INTS3: variants seen among roughly 807,000 people sequenced by gnomAD.
INTS3 encodes the protein integrator complex subunit 3.
INTS3 carries 34 observed loss-of-function variants against 146.3 expected under a neutral mutation model. The observed-to-expected ratio is 0.23, with a 90% confidence interval of 0.18 to 0.31. The LOEUF is 0.31. Among genes scored for constraint, INTS3 ranks in the 10% least tolerant of loss-of-function variants. The pLI, the probability that INTS3 is intolerant of heterozygous loss-of-function variation, is 1.00. For missense variants in INTS3, 757 were observed against 1,304.2 expected (o/e 0.58, Z 6.46); for synonymous variants, 475 against 494.9 (o/e 0.96, Z 0.53).
intron 1 of INTS3, among the ~76,000 whole-genome samples, chr1:153,731,286 C>T (rs1213985991): frequency 6.6e-6 from 1 of 152,136 alleles, no homozygotes; most frequent in Admixed American, 6.5e-5. Context: ...GAGTAGGAAG[C>T]ACTGGTCAAG....
In INTS3 at chr1:153,770,448, T is replaced by C. The variant is rs1439953786; in HGVS notation, c.2503+137T>C. 6.9e-6 allele frequency: 5 copies of C among 722,440 alleles called. No homozygotes were observed. In the Admixed American group the frequency reaches 8.9e-5, roughly 13 times the overall value. The allele number at this position is 722,440 out of a possible 1,614,324, so 44.8% of individuals were successfully genotyped here. On this transcript the variant is annotated intron_variant, in intron 24 of 29. Transcript: ENST00000318967. ...CCCACCAAAGTGCACAAGGGCAGGC[T>C]CTCTGTCAGCCACTTTTGTTCTTTA...
intron 22 of INTS3, 21 bp from the exon 23 acceptor site, chr1:153,769,748 C>T (rs776125146): frequency 6.3e-7 from 1 of 1,587,524 alleles, no homozygotes; most frequent in Non-Finnish European, 8.7e-7. Flanking sequence ...TGGGTTCTGC[C>T]TCCTTCCTCC....
At position 153,772,673 on chromosome 1, in the gene INTS3, G is replaced by T; in HGVS notation, c.2856G>T (p.Gln952His). 1.2e-6 allele frequency: 2 copies of T among 1,614,220 alleles called. No individual in the cohort carries two copies. The highest frequency in any genetic ancestry group is 1.7e-6 in the Non-Finnish European group (2 of 1,180,038). Residue 952 changes from glutamine to histidine, a missense_variant, in exon 28 of 30, where the codon CAG becomes CAT. Gln to His is a conservative substitution (Grantham distance 24). Around this residue, in one of 8 missense-constraint regions of INTS3, gnomAD observed 125 missense variants for 165.6 expected, o/e 0.75. Coordinates refer to ENST00000318967, the MANE Select transcript of INTS3 (RefSeq NM_023015.5). This position sits in a 1 kb window ranked among gnomAD's most constrained non-coding sequence, Gnocchi z 4.6. ...FSQTPILQALQHVQASCDEAH... is the reference protein window; with the variant it reads ...FSQTPILQALHHVQASCDEAH... The stretch of plus-strand genomic sequence containing the variant: ...AGACGCCAATTCTCCAGGCGCTGCA[G>T]CATGTCCAAGCGAGCTGTGACGAAG...
intron 6 of INTS3, 63 bp downstream of exon 6, chr1:153,748,818 G>T (rs1671849332): frequency 1.5e-6 from 2 of 1,300,652 alleles, no homozygotes; most frequent in Admixed American, 1.7e-5. Context: ...TGTGGGTGTG[G>T]GAAATGGGGA....
At chr1:153,747,108 AGAGAGGATG>A (rs780205429) in intron 4 of INTS3, 38 bp downstream of exon 4, 1 of 1,465,402 alleles carries the variant, frequency 6.8e-7, no homozygotes, top group Admixed American at 1.7e-5. Flanking sequence ...CAGCTCAAAG[AGAGAGGATG>A]GATCTTCTCT....
At chr1:153,756,181 G>A (rs139952722) in intron 9 of INTS3, among the ~76,000 whole-genome samples, 3 of 152,038 alleles carry the variant, frequency 2.0e-5, no homozygotes, top group African/African-American at 7.2e-5. Flanking sequence ...TTCAAGACTA[G>A]CCGGGCAACA....
At chr1:153,763,212 T>G (rs1260046858) in intron 15 of INTS3, 21 bp from the exon 16 acceptor site, 1 of 1,614,160 alleles carries the variant, frequency 6.2e-7, no homozygotes, top group Non-Finnish European at 8.5e-7. Context: ...ACTGACTTCT[T>G]TCCCAAATCA....
intron 5 of INTS3, chr1:153,748,084 C>T (rs1321291837): frequency 6.4e-6 from 1 of 155,964 alleles, no homozygotes; most frequent in Non-Finnish European, 1.4e-5. Context: ...TTAATTGAGA[C>T]CTGGGGCAAG....
intron 8 of INTS3, among the ~76,000 whole-genome samples, chr1:153,752,685 TC>T (rs1205347204): frequency 9.9e-5 from 15 of 152,192 alleles, no homozygotes; most frequent in African/African-American, 3.4e-4. Context: ...CCTCCCCTCT[TC>T]CTGGCAGCTC....
At chr1:153,742,069 G>A (rs1162574872) in intron 3 of INTS3, among the ~76,000 whole-genome samples, 1 of 152,158 alleles carries the variant, frequency 6.6e-6, no homozygotes, top group Non-Finnish European at 1.5e-5. Flanking sequence ...AATCATTTCC[G>A]GGGATAAGAA....
chr1:153,749,091 ACACC>A (rs2101800516), intron 6 of INTS3, among the ~76,000 whole-genome samples: 1 of 152,242 alleles, frequency 6.6e-6, no homozygotes, highest in Non-Finnish European at 1.5e-5. Context: ...GGCCAGCCAA[ACACC>A]CACGCCTGGC....
At chr1:153,749,335 G>A (rs992272624) in intron 6 of INTS3, among the ~76,000 whole-genome samples, 2 of 152,180 alleles carry the variant, frequency 1.3e-5, no homozygotes, top group Non-Finnish European at 2.9e-5. Context: ...AATTTTATGA[G>A]GGCTATTCCA....
chr1:153,748,214 G>A (rs6427268), intron 5 of INTS3: 93,487 of 162,120 alleles, frequency 0.58, 28,447 homozygotes, highest in African/African-American at 0.78. Flanking sequence ...CTGCCCCACA[G>A]AGTTTCATAG....
At chr1:153,764,499 C>G (rs546523402) in intron 18 of INTS3, among the ~76,000 whole-genome samples, 191 bp from the exon 19 acceptor site, 1 of 152,320 alleles carries the variant, frequency 6.6e-6, no homozygotes, top group African/African-American at 2.4e-5. Context: ...GGCCTGGAGC[C>G]TGTCTCCAAA....
At chr1:153,731,846 A>G (rs1274905178) in intron 1 of INTS3, among the ~76,000 whole-genome samples, 2 of 149,606 alleles carry the variant, frequency 1.3e-5, no homozygotes, top group Non-Finnish European at 3.0e-5. Flanking sequence ...CGGCCTCCCA[A>G]AGTGCTGGGA....
Position 153,772,977 on chromosome 1 carries a change from C to G in INTS3, c.2947C>G (p.Pro983Ala), listed in dbSNP as rs888210671. 5 of 1,614,180 alleles carry G rather than the reference C, an allele frequency of 3.1e-6. No homozygotes were observed. The highest frequency in any genetic ancestry group is 4.2e-6 in the Non-Finnish European group (5 of 1,180,040). ...GGAATATGAGGACTCTTCCACCAAG[C>G]CACCCAAGAGCCGGCGAAAAGCAGC... ...AEEYEDSSTK[P>A]PKSRRKAALS... The change falls in exon 29 of 30, where the codon CCA (proline) becomes GCA (alanine). Residue 983 changes from proline to alanine, a missense_variant. Physicochemically the swap from Pro to Ala is conservative, Grantham distance 27. Transcript: ENST00000318967. The surrounding 1 kb of genome is among the most constrained non-coding windows in gnomAD (Gnocchi z 4.6).
At chr1:153,736,524 G>A (rs553599326) in intron 1 of INTS3, among the ~76,000 whole-genome samples, 1 of 150,546 alleles carries the variant, frequency 6.6e-6, no homozygotes, top group South Asian at 2.1e-4. Context: ...TTGGCTCACT[G>A]CAACCTCTGC....
chr1:153,732,850 C>A (rs955001921), intron 1 of INTS3, among the ~76,000 whole-genome samples: 30 of 150,416 alleles, frequency 2.0e-4, no homozygotes, highest in Middle Eastern at 3.4e-3. Flanking sequence ...GTTGCCCAGA[C>A]TGGAGTGCAG....
At chr1:153,765,085 CA>C in intron 20 of INTS3, 22 bp downstream of exon 20, 1 of 1,613,874 alleles carries the variant, frequency 6.2e-7, no homozygotes, top group Non-Finnish European at 8.5e-7. Context: ...CCCCATGTTT[CA>C]AATGGTGTCA....
Sources: allele counts gnomAD v4.1 joint callset (sites outside exome capture counted in the v4.1 genomes callset), GRCh38; gene constraint gnomAD v4.1.1; regional missense constraint gnomAD v4.1.1; non-coding constraint Gnocchi (gnomAD v3.1); transcripts MANE v1.5; gene names NCBI Gene and HGNC (gene_info 2026-07-23, HGNC 2026-07-21).